DAOA: variants seen among roughly 807,000 people sequenced by gnomAD.
DAOA encodes D-amino acid oxidase regulator.
A neutral mutation model predicts 16.4 loss-of-function variants in DAOA; 15 were observed. The ratio of observed to expected loss-of-function variants is 0.91; its 90% confidence interval spans 0.61 to 1.41. The LOEUF is 1.41. DAOA is among the 40% of genes most tolerant of loss of function. The probability of loss-of-function intolerance (pLI) is 0.00; values close to 1 mark genes in which losing one functional copy is unlikely to be tolerated. For missense variants in DAOA, 230 were observed against 176.8 expected (o/e 1.30, Z -1.71); for synonymous variants, 75 against 59.1 (o/e 1.27, Z -1.23).
At chr13:105,490,474 G>C (rs1350480105) in intron 5 of DAOA, 1 of 152,436 alleles carries the variant, frequency 6.6e-6, no homozygotes. Flanking sequence ...AAATATTCAA[G>C]TATATTAATT....
At chr13:105,485,993 C>T (rs1878078325) in intron 4 of DAOA, among the ~76,000 whole-genome samples, 1 of 152,144 alleles carries the variant, frequency 6.6e-6, no homozygotes, top group Non-Finnish European at 1.5e-5. Context: ...ACTCCCATCC[C>T]CATCACCTTA....
chr13:105,478,857 G>A (rs1877519331), intron 4 of DAOA, among the ~76,000 whole-genome samples: 1 of 152,142 alleles, frequency 6.6e-6, no homozygotes, highest in Admixed American at 6.5e-5. Flanking sequence ...GCAAATAGCA[G>A]ATGCCTGCCT....
intron 3 of DAOA, 126 bp downstream of exon 3, chr13:105,467,267 A>G: frequency 1.9e-6 from 2 of 1,080,496 alleles, no homozygotes; most frequent in East Asian, 2.8e-5. Context: ...TTTGTAAGAT[A>G]CAGGAAGAAA....
chr13:105,468,067 T>C (rs1876662250), intron 3 of DAOA, among the ~76,000 whole-genome samples: 1 of 152,122 alleles, frequency 6.6e-6, no homozygotes, highest in Non-Finnish European at 1.5e-5. Context: ...GCCCTCTGTC[T>C]TTAGAGTCAG....
intron 4 of DAOA, among the ~76,000 whole-genome samples, chr13:105,485,986 C>G (rs539210905): frequency 3.3e-5 from 5 of 152,164 alleles, no homozygotes; most frequent in Non-Finnish European, 5.9e-5. Context: ...CAAACCCACT[C>G]CCATCCCCAT....
intron 3 of DAOA, among the ~76,000 whole-genome samples, chr13:105,469,420 A>G (rs992005863): frequency 2.0e-5 from 3 of 152,198 alleles, no homozygotes; most frequent in African/African-American, 7.2e-5. Flanking sequence ...ATCCTATTTT[A>G]TTTCTTTCAG....
chr13:105,487,841 A>G (rs1878240534), intron 4 of DAOA, among the ~76,000 whole-genome samples: 2 of 152,208 alleles, frequency 1.3e-5, no homozygotes, highest in African/African-American at 4.8e-5. Flanking sequence ...TATTTATTTC[A>G]ACATTTCTGA....
At chr13:105,483,874 T>C (rs1053066305) in intron 4 of DAOA, among the ~76,000 whole-genome samples, 2 of 152,142 alleles carry the variant, frequency 1.3e-5, no homozygotes, top group African/African-American at 4.8e-5. Context: ...TGCGATTGTT[T>C]AATTTTTATG....
At chr13:105,476,782 G>A (rs1187972852) in intron 4 of DAOA, among the ~76,000 whole-genome samples, 1 of 151,516 alleles carries the variant, frequency 6.6e-6, no homozygotes, top group South Asian at 2.1e-4. Flanking sequence ...AACTCAAAAC[G>A]TTTGAGTCTC....
chr13:105,480,672 A>T (rs1460610147), intron 4 of DAOA, among the ~76,000 whole-genome samples: 1 of 152,054 alleles, frequency 6.6e-6, no homozygotes. Context: ...GTGGCCCTGG[A>T]AGCCAATGGT....
chr13:105,474,244 C>A lies in DAOA; in HGVS notation c.281+1559C>A, dbSNP rs9582998. On this transcript the variant is annotated intron_variant, in intron 4 of 5. Coordinates refer to ENST00000375936, the MANE Select transcript of DAOA (RefSeq NM_172370.5). Reference sequence around the variant, plus strand: ...GTTTCCCAAGTCCTTCAATAAATATCTAAACCATATAATTGCAGGCATCAC... The same window carrying A: ...GTTTCCCAAGTCCTTCAATAAATATATAAACCATATAATTGCAGGCATCAC... 9.6e-3 allele frequency among the ~76,000 whole-genome samples: 1,454 copies of A among 152,100 alleles called. 29 individuals are homozygous for A. Among genetic ancestry groups the A allele is most frequent in the African/African-American group, 0.034 (1,392 of 41,514 alleles).
At chr13:105,479,319 T>G (rs976673884) in intron 4 of DAOA, among the ~76,000 whole-genome samples, 1 of 152,240 alleles carries the variant, frequency 6.6e-6, no homozygotes, top group African/African-American at 2.4e-5. Flanking sequence ...TTATTGTCTG[T>G]GATCTATATT....
At position 105,466,047 on chromosome 13, in the gene DAOA, C is replaced by A; in HGVS notation, c.-87C>A. On this transcript the variant is annotated 5_prime_UTR_variant, in exon 1 of 6. Coordinates refer to ENST00000375936, the MANE Select transcript of DAOA (RefSeq NM_172370.5). ...TGGAAAGCCAGAAAGTAGAGTGAAG[C>A]AAGTAATGTGTGTGTGAGTAGTCAT... The A allele has an allele frequency of 2.4e-6, 1 of 422,200 alleles. No individual in the cohort carries two copies. The highest frequency in any genetic ancestry group is 4.0e-6 in the Non-Finnish European group (1 of 247,788). The allele number at this position is 422,200 out of a possible 1,614,324, so 26.2% of individuals were successfully genotyped here. A position where few individuals can be genotyped will look rare whatever the true frequency, so the allele number is the denominator to read the frequency against.
At chr13:105,475,809 A>C (rs1263927560) in intron 4 of DAOA, among the ~76,000 whole-genome samples, 2 of 152,184 alleles carry the variant, frequency 1.3e-5, no homozygotes, top group Non-Finnish European at 2.9e-5. Context: ...AAATACTCTC[A>C]ATTATATTTA....
chr13:105,466,382 C>T (rs1333715134), intron 2 of DAOA, 50 bp downstream of exon 2: 2 of 1,612,538 alleles, frequency 1.2e-6, no homozygotes, highest in Non-Finnish European at 1.7e-6. Flanking sequence ...TGCAATGTGA[C>T]ATTTGCATGG....
intron 4 of DAOA, among the ~76,000 whole-genome samples, chr13:105,479,825 CAT>C (rs1877584000): frequency 6.6e-6 from 1 of 152,120 alleles, no homozygotes; most frequent in Non-Finnish European, 1.5e-5. Flanking sequence ...TTAAGAAACT[CAT>C]AGAAAGAGTT....
chr13:105,489,989 C>G lies in DAOA; in HGVS notation c.370C>G (p.Gln124Glu). Residue 124 changes from glutamine to glutamate, a missense_variant, in exon 5 of 6, where the codon CAG becomes GAG. By Grantham distance (29) the Gln-to-Glu change is conservative. Transcript: ENST00000375936. ...CTATGAGGCCTCTAAGGACCGCAGG[C>G]AGCCTCTAGAACGAATGTGGACCTG... ...LAYEASKDRR[Q>E]PLERMWTCNY... 5 of 1,613,342 alleles carry G rather than the reference C, an allele frequency of 3.1e-6. No homozygotes were observed. The highest frequency in any genetic ancestry group is 4.2e-6 in the Non-Finnish European group (5 of 1,179,746).
chr13:105,481,972 G>T (rs1200601220), intron 4 of DAOA, among the ~76,000 whole-genome samples: 1 of 152,146 alleles, frequency 6.6e-6, no homozygotes, highest in African/African-American at 2.4e-5. Flanking sequence ...GGCTGAGAAG[G>T]CCTTACAATT....
intron 3 of DAOA, among the ~76,000 whole-genome samples, chr13:105,468,605 G>A (rs1876706379): frequency 6.6e-6 from 1 of 152,320 alleles, no homozygotes; most frequent in East Asian, 1.9e-4. Flanking sequence ...TGACAGATAT[G>A]AAATGAATTT....
Sources: allele counts gnomAD v4.1 joint callset (sites outside exome capture counted in the v4.1 genomes callset), GRCh38; gene constraint gnomAD v4.1.1; transcripts MANE v1.5; gene names NCBI Gene and HGNC (gene_info 2026-07-23, HGNC 2026-07-21).